Variants in DDX46 observed in about 807,000 individuals in gnomAD.
The protein encoded by DDX46 is probable ATP-dependent RNA helicase DDX46.
Under a neutral mutation model 134.9 loss-of-function variants are expected in DDX46, and 30 were observed. The ratio of observed to expected loss-of-function variants is 0.22; its 90% confidence interval spans 0.17 to 0.30. The LOEUF is 0.30. Among genes scored for constraint, DDX46 ranks in the 10% least tolerant of loss-of-function variants. The pLI is 1.00. For missense variants in DDX46, 622 were observed against 1,248.7 expected (o/e 0.50, Z 7.56); for synonymous variants, 415 against 404.1 (o/e 1.03, Z -0.32).
chr5:134,827,706 G>T (rs1755626848), intron 22 of DDX46, among the ~76,000 whole-genome samples: 1 of 150,812 alleles, frequency 6.6e-6, no homozygotes, highest in Admixed American at 6.6e-5. Flanking sequence ...CCATGTTATT[G>T]CATGTAGCAA....
intron 14 of DDX46, among the ~76,000 whole-genome samples, chr5:134,795,349 G>T (rs1181389027): frequency 6.6e-6 from 1 of 151,708 alleles, no homozygotes; most frequent in Non-Finnish European, 1.5e-5. Flanking sequence ...GTGACCTCCC[G>T]GTAACAGGGG....
chr5:134,807,806 A>C lies in DDX46; in HGVS notation c.2013A>C (p.Lys671Asn). The change falls in exon 16 of 23, where the codon AAA (lysine) becomes AAC (asparagine). Residue 671 changes from lysine to asparagine, a missense_variant. Lys to Asn is a moderately conservative substitution (Grantham distance 94). This residue lies in a region of DDX46 where 209 missense variants were observed against 508.4 expected (regional missense o/e 0.41). Transcript: ENST00000452510. ...ATGACTTTAAGAATGGGACCTGCAA[A>C]CTTCTTGTGGCTACCTCTGTTGCTG... ...IINDFKNGTC[K>N]LLVATSVAAR... 1 of 1,614,166 alleles carries C rather than the reference A, an allele frequency of 6.2e-7. No individual in the cohort carries two copies. The highest frequency in any genetic ancestry group is 8.5e-7 in the Non-Finnish European group (1 of 1,180,038).
At chr5:134,790,890 T>C (rs980356869) in intron 13 of DDX46, among the ~76,000 whole-genome samples, 2 of 152,038 alleles carry the variant, frequency 1.3e-5, no homozygotes, top group Non-Finnish European at 2.9e-5. Context: ...TGGAGAACGA[T>C]CACTACTCAC....
chr5:134,786,898 TTTGTTGTTG>T (rs141573785), intron 11 of DDX46, among the ~76,000 whole-genome samples: 4 of 150,948 alleles, frequency 2.6e-5, no homozygotes, highest in African/African-American at 9.8e-5. Flanking sequence ...TCAGAGGTGT[TTTGTTGTTG>T]TTGTTGTTGT....
In DDX46 at chr5:134,764,004, T is replaced by G. The variant is rs1753479306; in HGVS notation, c.118T>G (p.Ser40Ala). 6.2e-7 allele frequency: 1 copy of G among 1,614,036 alleles called. No homozygotes were observed. Among genetic ancestry groups the G allele is most frequent in the Non-Finnish European group, 8.5e-7 (1 of 1,180,048 alleles). ...AAGTAAACGTGGAGATGACAGACGGTCTAGAAGTAGAGATAGAGATAGGAG... is the reference window on the plus strand; with the variant it reads ...AAGTAAACGTGGAGATGACAGACGGGCTAGAAGTAGAGATAGAGATAGGAG... ...KRSKRGDDRR[S>A]RSRDRDRRRE... is the part of the protein sequence containing the mutation. Residue 40 changes from serine to alanine, a missense_variant, in exon 2 of 23, where the codon TCT becomes GCT. Physicochemically the swap from Ser to Ala is moderately conservative, Grantham distance 99. Transcript: ENST00000452510.
At chr5:134,780,095 T>C (rs1022528109) in intron 6 of DDX46, among the ~76,000 whole-genome samples, 4 of 125,896 alleles carry the variant, frequency 3.2e-5, no homozygotes, top group Non-Finnish European at 1.6e-5. Flanking sequence ...CTGAAAAAAA[T>C]ATATGTGTGT....
intron 16 of DDX46, among the ~76,000 whole-genome samples, chr5:134,808,638 C>T (rs1328471784): frequency 1.3e-5 from 2 of 152,092 alleles, no homozygotes; most frequent in East Asian, 3.8e-4. Flanking sequence ...ATATACCCAT[C>T]TCCACACCTA....
intron 11 of DDX46, among the ~76,000 whole-genome samples, chr5:134,787,108 G>T (rs967224197): frequency 6.6e-6 from 1 of 151,964 alleles, no homozygotes; most frequent in Admixed American, 6.6e-5. Flanking sequence ...TTTTTTTGTA[G>T]AGACGAGGTT....
chr5:134,792,163 C>T (rs141071857), intron 13 of DDX46, among the ~76,000 whole-genome samples: 170 of 151,958 alleles, frequency 1.1e-3, no homozygotes, highest in Middle Eastern at 3.4e-3. Flanking sequence ...GGTGATAGAA[C>T]GAGACTTAGT....
chr5:134,814,594 T>C (rs909055641), intron 18 of DDX46, among the ~76,000 whole-genome samples: 1 of 152,128 alleles, frequency 6.6e-6, no homozygotes. Flanking sequence ...ACTGACCCCC[T>C]GTTGGTGTTT....
chr5:134,785,685 ATTGC>A (rs1754310419), intron 11 of DDX46, 99 bp downstream of exon 11: 1 of 1,365,216 alleles, frequency 7.3e-7, no homozygotes, highest in Non-Finnish European at 9.9e-7. Flanking sequence ...TTGAATAGTG[ATTGC>A]TTCTAAAATC....
chr5:134,817,493 C>T lies in DDX46; in HGVS notation c.2614-3C>T. 4 of 1,612,854 alleles carry T rather than the reference C, an allele frequency of 2.5e-6. No individual in the cohort carries two copies. Among genetic ancestry groups the T allele is most frequent in the South Asian group, 1.1e-5 (1 of 90,908 alleles). ...GATTTAACTAAGTCTTCTTTAACTA[C>T]AGGATGTGATGCAGCAGGCCACCAA... On this transcript the variant is annotated splice_region_variant and splice_polypyrimidine_tract_variant and intron_variant, in intron 19 of 22. Coordinates refer to ENST00000452510, the MANE Select transcript of DDX46 (RefSeq NM_001300860.2).
At chr5:134,820,668 TA>T (rs1755417853) in intron 21 of DDX46, among the ~76,000 whole-genome samples, 1 of 152,162 alleles carries the variant, frequency 6.6e-6, no homozygotes, top group African/African-American at 2.4e-5. Context: ...TACATTGAGG[TA>T]AAATTCATGT....
chr5:134,821,687 G>A (rs1338076834), intron 21 of DDX46, among the ~76,000 whole-genome samples: 1 of 151,644 alleles, frequency 6.6e-6, no homozygotes, highest in Non-Finnish European at 1.5e-5. Flanking sequence ...CTCCCGAGTA[G>A]CTGGGACTAC....
intron 15 of DDX46, among the ~76,000 whole-genome samples, chr5:134,798,308 T>G (rs928747298): frequency 6.6e-6 from 1 of 151,790 alleles, no homozygotes; most frequent in Non-Finnish European, 1.5e-5. Flanking sequence ...AAGCAGTTCT[T>G]GTGCCTCAGC....
At chr5:134,778,145 A>G (rs763484397) in intron 6 of DDX46, among the ~76,000 whole-genome samples, 3 of 151,686 alleles carry the variant, frequency 2.0e-5, no homozygotes, top group Non-Finnish European at 4.4e-5. Context: ...CAGCCTCCCA[A>G]GTAGCTGGAA....
At chr5:134,770,817 A>C in intron 3 of DDX46, 86 bp from the exon 4 acceptor site, 1 of 214,958 alleles carries the variant, frequency 4.7e-6, no homozygotes, top group Non-Finnish European at 7.2e-6. Flanking sequence ...ACACTGTCTC[A>C]AAAAAAAAAA....
intron 7 of DDX46, among the ~76,000 whole-genome samples, chr5:134,781,547 G>T (rs1235857775): frequency 1.3e-5 from 2 of 151,974 alleles, no homozygotes; most frequent in African/African-American, 2.4e-5. Context: ...CCATTAACAC[G>T]TAAAGATTTA....
intron 22 of DDX46, 64 bp from the exon 23 acceptor site, chr5:134,828,595 T>TTCG: frequency 5.9e-5 from 1 of 16,992 alleles, no homozygotes; most frequent in Non-Finnish European, 7.7e-5. Flanking sequence ...GGTTGGTTCG[T>TTCG]TTTTTTTTTT....
Sources: allele counts gnomAD v4.1 joint callset (sites outside exome capture counted in the v4.1 genomes callset), GRCh38; gene constraint gnomAD v4.1.1; regional missense constraint gnomAD v4.1.1; transcripts MANE v1.5; gene names NCBI Gene and HGNC (gene_info 2026-07-23, HGNC 2026-07-21).